LARGE1: variants seen among roughly 807,000 people sequenced by gnomAD.
LARGE1 encodes xylosyl- and glucuronyltransferase LARGE1.
A neutral mutation model predicts 87.6 loss-of-function variants in LARGE1; 43 were observed. That is an observed-to-expected ratio of 0.49 (90% CI 0.38 to 0.63). The LOEUF (loss-of-function observed/expected upper bound fraction) is 0.63, where lower values mean the gene tolerates loss of function less well. Among genes scored for constraint, LARGE1 ranks in the 30% least tolerant of loss-of-function variants. LARGE1 has a pLI of 0.00. For missense variants in LARGE1, 802 were observed against 1,000.2 expected, an observed-to-expected ratio of 0.80 and a Z score of 2.67; for synonymous variants, 434 against 394.6, an observed-to-expected ratio of 1.10 and a Z score of -1.18.
chr22:33,161,320 A>T (rs1342156179), downstream of LARGE1, among the ~76,000 whole-genome samples: 1 of 152,166 alleles, frequency 6.6e-6, no homozygotes, highest in Non-Finnish European at 1.5e-5. Flanking sequence ...AAGCCATATC[A>T]TTCTGCCCCC....
intron 6 of LARGE1, among the ~76,000 whole-genome samples, chr22:33,479,933 TG>T (rs2069242286): frequency 6.6e-6 from 1 of 152,020 alleles, no homozygotes; most frequent in South Asian, 2.1e-4. Context: ...TTGGTAGAGA[TG>T]GGGTTTCACC....
At chr22:33,844,868 G>C (rs1015439825) in intron 1 of LARGE1, among the ~76,000 whole-genome samples, 1 of 151,728 alleles carries the variant, frequency 6.6e-6, no homozygotes, top group Non-Finnish European at 1.5e-5. Flanking sequence ...TTACAGGCAC[G>C]CACCACCATG....
chr22:33,751,353 C>T lies in LARGE1; in HGVS notation c.106+10018G>A, dbSNP rs370684667. Among the ~76,000 whole-genome samples the T allele has an allele frequency of 6.6e-5, 10 of 152,020 alleles. No homozygotes were observed. In the East Asian group the frequency reaches 7.8e-4, roughly 12 times the overall value. On this transcript the variant is annotated intron_variant, in intron 2 of 14. Coordinates refer to ENST00000397394, the MANE Select transcript of LARGE1 (RefSeq NM_133642.5). ...AAAATTAGCTGGGTGTGGTGGCACA[C>T]GCCTGTAATCCCAGCTACTTGGGAG...
At chr22:33,466,096 T>A (rs1053115800) in intron 6 of LARGE1, among the ~76,000 whole-genome samples, 5 of 152,144 alleles carry the variant, frequency 3.3e-5, no homozygotes, top group African/African-American at 1.2e-4. Flanking sequence ...CACCTGTCAC[T>A]CCCTATACCC....
At chr22:33,333,053 C>T (rs1437772622) in intron 10 of LARGE1, among the ~76,000 whole-genome samples, 1 of 146,056 alleles carries the variant, frequency 6.8e-6, no homozygotes, top group Non-Finnish European at 1.5e-5. Flanking sequence ...GTCACCCAGG[C>T]TGGAGTGCAG....
chr22:33,792,275 C>G (rs996374477), intron 1 of LARGE1, among the ~76,000 whole-genome samples: 1 of 152,118 alleles, frequency 6.6e-6, no homozygotes. Context: ...GGTGGTTACC[C>G]CCATGCTATT....
intron 6 of LARGE1, among the ~76,000 whole-genome samples, chr22:33,464,893 A>G (rs57560381): frequency 0.27 from 24,150 of 90,202 alleles, 2,221 homozygotes; most frequent in East Asian, 0.34. Flanking sequence ...GCACACACAT[A>G]CACACACACA....
chr22:33,342,290 AG>A (rs1273947728), intron 9 of LARGE1, among the ~76,000 whole-genome samples: 6 of 152,202 alleles, frequency 3.9e-5, no homozygotes, highest in Non-Finnish European at 8.8e-5. Flanking sequence ...CTTCTTCAAC[AG>A]GGAGAAACTT....
At chr22:33,711,182 A>G (rs1050381102) in intron 2 of LARGE1, among the ~76,000 whole-genome samples, 1 of 152,142 alleles carries the variant, frequency 6.6e-6, no homozygotes, top group Non-Finnish European at 1.5e-5. Flanking sequence ...CAGGAGAGAG[A>G]AGAGCCCTGC....
At chr22:33,811,956 T>C (rs541924149) in intron 1 of LARGE1, among the ~76,000 whole-genome samples, 1 of 152,264 alleles carries the variant, frequency 6.6e-6, no homozygotes, top group East Asian at 1.9e-4. Flanking sequence ...GGCTTAGCGC[T>C]CAATTGCATG....
intron 12 of LARGE1, among the ~76,000 whole-genome samples, chr22:33,286,872 T>C (rs1569015042): frequency 6.6e-6 from 1 of 152,212 alleles, no homozygotes; most frequent in African/African-American, 2.4e-5. Flanking sequence ...TTCCCCTTTC[T>C]ATGGGGGCAA....
the LARGE1 span, among the ~76,000 whole-genome samples, chr22:33,081,805 AT>A: frequency 6.6e-6 from 1 of 152,114 alleles, no homozygotes; most frequent in Non-Finnish European, 1.5e-5. Flanking sequence ...GGAGAAAGAG[AT>A]TTTCATTGTC....
chr22:33,544,776 G>C (rs1378357798), intron 6 of LARGE1, among the ~76,000 whole-genome samples: 2 of 152,124 alleles, frequency 1.3e-5, no homozygotes, highest in Non-Finnish European at 2.9e-5. Context: ...GTTCTGATTG[G>C]TTCAGCTTGG....
chr22:33,712,100 C>A (rs1409252079), intron 2 of LARGE1, among the ~76,000 whole-genome samples: 1 of 152,126 alleles, frequency 6.6e-6, no homozygotes, highest in East Asian at 1.9e-4. Flanking sequence ...TTGTCCCAAC[C>A]AAACCACCCA....
At chr22:33,762,415 AGGAGAC>A (rs1010638014) in intron 1 of LARGE1, among the ~76,000 whole-genome samples, 15 of 152,138 alleles carry the variant, frequency 9.9e-5, no homozygotes, top group Non-Finnish European at 1.6e-4. Flanking sequence ...TTCTGGGCAG[AGGAGAC>A]TGAGAAAGGC....
At chr22:33,232,053 G>C (rs1486043024) in intron 11 of LARGE1, among the ~76,000 whole-genome samples, 1 of 152,166 alleles carries the variant, frequency 6.6e-6, no homozygotes, top group Non-Finnish European at 1.5e-5. Context: ...TTCACAGCCA[G>C]TTAGCAGAGG....
rs1056721626 is a variant in LARGE1, at chr22:33,866,955, A to G, written c.-83+53040T>C. 1.2e-4 allele frequency among the ~76,000 whole-genome samples: 19 copies of G among 152,366 alleles called. No individual in the cohort carries two copies. In the East Asian group the frequency reaches 1.7e-3, roughly 14 times the overall value. On this transcript the variant is annotated intron_variant, in intron 1 of 14. Transcript: ENST00000397394. ...GGGGTTGATTATTGCTTACGCTAAC[A>G]GGAACACCAACATGTCCAGCATATT...
intron 1 of LARGE1, among the ~76,000 whole-genome samples, chr22:33,864,032 C>G (rs567945818): frequency 2.6e-5 from 4 of 152,196 alleles, no homozygotes; most frequent in Non-Finnish European, 5.9e-5. Context: ...CACAGAAGTT[C>G]CAACTCCAGT....
At position 33,363,810 on chromosome 22, in the gene LARGE1, A is replaced by T. The variant is rs559840716; in HGVS notation, c.1131+18109T>A. Reference sequence around the variant, plus strand: ...ACTTGAACACAAGCATTGCGATCCCAGAGAGTCAATCTGATAACTGAGATG... The same window carrying T: ...ACTTGAACACAAGCATTGCGATCCCTGAGAGTCAATCTGATAACTGAGATG... On this transcript the variant is annotated intron_variant, in intron 9 of 14. Transcript: ENST00000397394. Among the ~76,000 whole-genome samples, 107 of 149,976 alleles carry T rather than the reference A, an allele frequency of 7.1e-4. 7 individuals are homozygous for T. Among genetic ancestry groups the T allele is most frequent in the African/African-American group, 2.4e-3 (98 of 40,846 alleles).
Sources: gnomAD v4.1 joint callset for allele counts (sites outside exome capture counted in the v4.1 genomes callset) on GRCh38, gnomAD v4.1.1 for gene constraint, MANE v1.5 for transcripts, NCBI Gene and HGNC (gene_info 2026-07-23, HGNC 2026-07-21) for gene names.